NDRG4: variants seen among roughly 807,000 people sequenced by gnomAD.
NDRG4 encodes protein NDRG4.
In NDRG4, 38 loss-of-function variants were observed where a neutral mutation model predicts 55.8. The observed-to-expected ratio is 0.68, with a 90% CI of 0.53 to 0.89. The LOEUF is 0.89. NDRG4 is among the 40% of genes least tolerant of loss of function. The probability of loss-of-function intolerance (pLI) is 0.00; values close to 1 mark genes in which losing one functional copy is unlikely to be tolerated. For synonymous variants in NDRG4, 190 were observed against 182.7 expected (o/e 1.04, Z -0.32); for missense variants, 455 against 468.6 (o/e 0.97, Z 0.27).
At position 58,510,284 on chromosome 16, in the gene NDRG4, C is replaced by T. The variant is rs553218308; in HGVS notation, c.866-361C>T. Among the ~76,000 whole-genome samples the T allele has an allele frequency of 5.3e-5, 8 of 152,342 alleles. 1 individual carries two copies. Among genetic ancestry groups the T allele is most frequent in the South Asian group, 4.1e-4 (2 of 4,830 alleles). ...GGAAGAACATTGTCAGGCGCTGAGA[C>T]GCGTTCTCAGGGTCCTGGGGAGAAA... On this transcript the variant is annotated intron_variant, in intron 13 of 14. Transcript: ENST00000570248.
chr16:58,464,094 T>G lies in NDRG4; in HGVS notation c.-24+297T>G. Reference sequence around the variant, plus strand: ...GACGCCCGGAGGCGGCGGGGTCTCTTTGTTCGGGCGGCGGGCACGGGGGAC... The same window carrying G: ...GACGCCCGGAGGCGGCGGGGTCTCTGTGTTCGGGCGGCGGGCACGGGGGAC... On this transcript the variant is annotated intron_variant, in intron 1 of 15. Coordinates refer to the NDRG4 transcript ENST00000258187. This position sits in a 1 kb window ranked among gnomAD's most constrained non-coding sequence, Gnocchi z 4.8. 21 of 250,364 alleles carry G rather than the reference T, an allele frequency of 8.4e-5. No homozygotes were observed. Among genetic ancestry groups the G allele is most frequent in the East Asian group, 2.9e-4 (4 of 13,696 alleles). 15.5% of individuals were successfully genotyped at this position (250,364 alleles called of 1,614,324 possible).
rs965108194 is a variant in NDRG4 at position 58,501,197 on chromosome 16, G to GGT, written c.21+930_21+931dup. The GGT allele has an allele frequency of 4.4e-5, 25 of 571,490 alleles. No homozygotes were observed. In the Admixed American group the frequency reaches 1.0e-3, roughly 24 times the overall value. The allele number at this position is 571,490 out of a possible 1,614,324, so 35.4% of individuals were successfully genotyped here. A position where few individuals can be genotyped will look rare whatever the true frequency, so the allele number is the denominator to read the frequency against. Reference sequence around the variant, plus strand: ...CGATAGGTCACCCCGCACGCACGGAGGTGACGACGTCAGCACCTGCCCGCC... The same window carrying GGT: ...CGATAGGTCACCCCGCACGCACGGAGGTGTGACGACGTCAGCACCTGCCCGCC... On this transcript the variant is annotated intron_variant, in intron 1 of 14. Coordinates refer to ENST00000570248, the MANE Select transcript of NDRG4 (RefSeq NM_001242835.2).
At chr16:58,474,263 G>T (rs1280084346) in intron 1 of NDRG4, among the ~76,000 whole-genome samples, 1 of 151,948 alleles carries the variant, frequency 6.6e-6, no homozygotes, top group African/African-American at 2.4e-5. Context: ...GGCTGGTCTC[G>T]AACTCCTGGC....
At chr16:58,476,088 C>T (rs1374921573) in intron 1 of NDRG4, among the ~76,000 whole-genome samples, 1 of 152,092 alleles carries the variant, frequency 6.6e-6, no homozygotes, top group Non-Finnish European at 1.5e-5. Context: ...TGAGCCACTG[C>T]GCCCAGCCAT....
In NDRG4 at chr16:58,503,780, A is replaced by G; in HGVS notation, c.22-18A>G. 1 of 1,613,676 alleles carries G rather than the reference A, an allele frequency of 6.2e-7. No homozygotes were observed. The highest frequency in any genetic ancestry group is 8.5e-7 in the Non-Finnish European group (1 of 1,179,936). Reference sequence around the variant, plus strand: ...GCGGAGGCTGCCCAGAGTGTCCAGCACGGTCTCTCCCCTTCAGGAACATGA... The same window carrying G: ...GCGGAGGCTGCCCAGAGTGTCCAGCGCGGTCTCTCCCCTTCAGGAACATGA... On this transcript the variant is annotated intron_variant, in intron 1 of 14. Coordinates refer to ENST00000570248, the MANE Select transcript of NDRG4 (RefSeq NM_001242835.2).
At chr16:58,505,908 G>C in intron 5 of NDRG4, 1 of 248,780 alleles carries the variant, frequency 4.0e-6, no homozygotes, top group South Asian at 4.1e-5. Context: ...TTTTATTAGA[G>C]ACAGGGCTTC....
chr16:58,473,658 G>A (rs117287426), intron 1 of NDRG4, among the ~76,000 whole-genome samples: 1 of 152,084 alleles, frequency 6.6e-6, no homozygotes, highest in Non-Finnish European at 1.5e-5. Context: ...TGATGGATCC[G>A]TGAGTCCCCC....
chr16:58,465,147 G>C, intron 1 of NDRG4: 1 of 1,278,480 alleles, frequency 7.8e-7, no homozygotes, highest in South Asian at 1.2e-5. Context: ...GAGAGACCCA[G>C]ACAGGAGGAA....
At chr16:58,504,784 T>G in intron 5 of NDRG4, 135 bp downstream of exon 5, 1 of 853,136 alleles carries the variant, frequency 1.2e-6, no homozygotes. Context: ...ACCTCCTCTT[T>G]ATGTAGAAAA....
At chr16:58,504,472 C>A in intron 4 of NDRG4, 51 bp downstream of exon 4, 2 of 1,611,466 alleles carry the variant, frequency 1.2e-6, no homozygotes, top group South Asian at 1.1e-5. Flanking sequence ...CCTACCCCAA[C>A]TGCAGAGCCA....
chr16:58,477,873 T>A (rs1043002178), intron 1 of NDRG4, among the ~76,000 whole-genome samples: 1 of 152,106 alleles, frequency 6.6e-6, no homozygotes, highest in Non-Finnish European at 1.5e-5. Context: ...TAGTAACATT[T>A]CAGTGGAGAA....
chr16:58,501,068 G>A (rs912325743), intron 1 of NDRG4: 1 of 1,235,958 alleles, frequency 8.1e-7, no homozygotes, highest in Non-Finnish European at 1.0e-6. Context: ...TCCTCTCGCC[G>A]GGGCATCAGG....
intron 1 of NDRG4, among the ~76,000 whole-genome samples, chr16:58,478,263 C>T (rs1355813617): frequency 1.3e-5 from 2 of 152,080 alleles, no homozygotes; most frequent in African/African-American, 2.4e-5. Context: ...GTGGCGGGCA[C>T]CTGTAATCCC....
upstream of NDRG4, among the ~76,000 whole-genome samples, chr16:58,497,480 C>T (rs534320563): frequency 6.6e-6 from 1 of 152,352 alleles, no homozygotes; most frequent in South Asian, 2.1e-4. Flanking sequence ...GTAGCTGCCG[C>T]TGCTTACTAG....
intron 1 of NDRG4, among the ~76,000 whole-genome samples, chr16:58,470,906 C>CAAAAAAA (rs142300769): frequency 8.8e-5 from 7 of 79,766 alleles, no homozygotes; most frequent in African/African-American, 3.7e-4. Flanking sequence ...GACACCATCT[C>CAAAAAAA]CAAAAAAAAA....
chr16:58,475,222 T>C (rs970346435), intron 1 of NDRG4, among the ~76,000 whole-genome samples: 2 of 152,214 alleles, frequency 1.3e-5, no homozygotes, highest in African/African-American at 4.8e-5. Flanking sequence ...GAGGCACCCG[T>C]GTAAAAGAAA....
chr16:58,485,798 C>T (rs184762488), intron 1 of NDRG4, among the ~76,000 whole-genome samples: 9 of 152,290 alleles, frequency 5.9e-5, no homozygotes, highest in Admixed American at 5.9e-4. Context: ...TTTATTGTAA[C>T]AGGAATTTTC....
rs193003301 is a variant in NDRG4 at position 58,494,719 on chromosome 16, C to T, written c.73-245C>T. ...CGGTGTTTCATGCCTGTAATCCCAG[C>T]GCTTTAGGAGGCCAAGACAGGAGGA... On this transcript the variant is annotated intron_variant, in intron 2 of 15. Transcript: ENST00000258187. Among the ~76,000 whole-genome samples the T allele has an allele frequency of 1.6e-3, 237 of 151,656 alleles. 1 individual carries two copies. Among genetic ancestry groups the T allele is most frequent in the Non-Finnish European group, 2.3e-3 (159 of 67,966 alleles).
intron 1 of NDRG4, among the ~76,000 whole-genome samples, chr16:58,467,714 C>T (rs551862279): frequency 6.6e-6 from 1 of 152,302 alleles, no homozygotes; most frequent in South Asian, 2.1e-4. Context: ...AGCCGTTCCA[C>T]ACTTCATTTT....
Sources: gnomAD v4.1 joint callset for allele counts (sites outside exome capture counted in the v4.1 genomes callset) on GRCh38, gnomAD v4.1.1 for gene constraint, Gnocchi (gnomAD v3.1) non-coding constraint, MANE v1.5 for transcripts, NCBI Gene and HGNC (gene_info 2026-07-23, HGNC 2026-07-21) for gene names.